The following COL23A1 variants were observed in gnomAD, a reference collection of about 807,000 sequenced individuals.
COL23A1 encodes the protein collagen type XXIII alpha 1 chain, also known as collagen alpha-1(XXIII) chain.
Under a neutral mutation model 99.3 loss-of-function variants are expected in COL23A1, and 97 were observed. The ratio of observed to expected loss-of-function variants is 0.98; its 90% confidence interval spans 0.83 to 1.16. COL23A1 has a LOEUF of 1.16. Ranked by LOEUF, COL23A1 falls within the 50% of genes most tolerant of loss-of-function variation. COL23A1 has a pLI of 0.00. For synonymous variants in COL23A1, 320 were observed against 308.2 expected (o/e 1.04, Z -0.40); for missense variants, 762 against 757.4 (o/e 1.01, Z -0.07).
chr5:178,243,331 A>G (rs1264182456), intron 25 of COL23A1, among the ~76,000 whole-genome samples: 1 of 151,712 alleles, frequency 6.6e-6, no homozygotes, highest in Non-Finnish European at 1.5e-5. Context: ...CTCCTAAAAT[A>G]CAAAAAATTA....
chr5:178,259,793 G>C (rs752800650), intron 11 of COL23A1, 46 bp from the exon 12 acceptor site: 1 of 1,564,150 alleles, frequency 6.4e-7, no homozygotes, highest in Non-Finnish European at 8.7e-7. Context: ...AAAACCATAG[G>C]AGAGTGGCCC....
chr5:178,413,362 T>C (rs1765145190), intron 2 of COL23A1, among the ~76,000 whole-genome samples: 1 of 152,234 alleles, frequency 6.6e-6, no homozygotes, highest in Admixed American at 6.5e-5. Context: ...TAAATTAAAA[T>C]AACTTGCTAC....
rs549779933 is a variant in COL23A1 at position 178,255,418 on chromosome 5, A to G, written c.883-392T>C. Among the ~76,000 whole-genome samples, 4 of 152,200 alleles carry G rather than the reference A, an allele frequency of 2.6e-5. No homozygotes were observed. Among genetic ancestry groups the G allele is most frequent in the African/African-American group, 9.6e-5 (4 of 41,522 alleles). ...GGCTGGATCTGGCCCCCGTGCCTCC[A>G]TTTCCCAGCCTCTGGGAGCGGCTGC... is the stretch of plus-strand genomic sequence containing the variant. On this transcript the variant is annotated intron_variant, in intron 15 of 28. Transcript: ENST00000390654. The surrounding 1 kb of genome is among the most constrained non-coding windows in gnomAD (Gnocchi z 4.2).
chr5:178,263,942 GA>G (rs1257935785), intron 8 of COL23A1, among the ~76,000 whole-genome samples: 1 of 152,118 alleles, frequency 6.6e-6, no homozygotes, highest in Non-Finnish European at 1.5e-5. Flanking sequence ...ATGCTAAGTG[GA>G]AAAAGTCCAT....
chr5:178,325,834 C>T (rs551680934), intron 2 of COL23A1, among the ~76,000 whole-genome samples: 28 of 152,352 alleles, frequency 1.8e-4, no homozygotes, highest in East Asian at 9.6e-4. Context: ...TGATGTTTGC[C>T]GTGCACTGGG....
At chr5:178,410,607 C>T (rs1017484769) in intron 2 of COL23A1, among the ~76,000 whole-genome samples, 2 of 152,152 alleles carry the variant, frequency 1.3e-5, no homozygotes, top group African/African-American at 4.8e-5. Flanking sequence ...CTACCTCACA[C>T]CAAATACAAA....
intron 2 of COL23A1, among the ~76,000 whole-genome samples, chr5:178,367,377 G>C (rs979132358): frequency 6.2e-5 from 9 of 145,696 alleles, no homozygotes; most frequent in Admixed American, 2.7e-4. Context: ...AGCAGCCAGA[G>C]TATCAGCAAG....
At chr5:178,577,547 T>C (rs1173721465) in intron 1 of COL23A1, among the ~76,000 whole-genome samples, 1 of 152,096 alleles carries the variant, frequency 6.6e-6, no homozygotes, top group African/African-American at 2.4e-5. Context: ...CAGCAGGGCC[T>C]GGCGCGCGGG....
intron 2 of COL23A1, among the ~76,000 whole-genome samples, chr5:178,498,597 G>GATAAGCC (rs1758360149): frequency 6.6e-6 from 1 of 152,040 alleles, no homozygotes; most frequent in African/African-American, 2.4e-5. Flanking sequence ...GTGAGAACTA[G>GATAAGCC]ATAAGCCTAG....
chr5:178,307,877 G>A lies in COL23A1; in HGVS notation c.362-958C>T, dbSNP rs1288003606. The stretch of plus-strand genomic sequence containing the variant: ...ACAGTGGGACAGGTTGTGACCCTAT[G>A]ACAAGGCACTGCCCTTTCCTGCAAA... On this transcript the variant is annotated intron_variant, in intron 2 of 28. Transcript: ENST00000390654. The surrounding 1 kb of genome is among the most constrained non-coding windows in gnomAD (Gnocchi z 4.2). Among the ~76,000 whole-genome samples the A allele has an allele frequency of 6.6e-6, 1 of 152,228 alleles. No homozygotes were observed. Among genetic ancestry groups the A allele is most frequent in the Non-Finnish European group, 1.5e-5 (1 of 68,050 alleles).
At chr5:178,360,949 A>T (rs1056914722) in intron 2 of COL23A1, among the ~76,000 whole-genome samples, 5 of 152,178 alleles carry the variant, frequency 3.3e-5, no homozygotes, top group African/African-American at 1.2e-4. Flanking sequence ...GAACAACAGA[A>T]GACGTTTTTG....
At chr5:178,549,048 T>G (rs1303654259) in intron 2 of COL23A1, among the ~76,000 whole-genome samples, 1 of 151,836 alleles carries the variant, frequency 6.6e-6, no homozygotes, top group African/African-American at 2.4e-5. Flanking sequence ...CAGGCTGGAG[T>G]GCAATGGCAC....
chr5:178,559,395 T>G (rs1762440105), intron 2 of COL23A1, among the ~76,000 whole-genome samples: 1 of 151,768 alleles, frequency 6.6e-6, no homozygotes, highest in African/African-American at 2.4e-5. Flanking sequence ...ATAACAAAAG[T>G]CACCTTTCCC....
At chr5:178,247,934 C>A in intron 20 of COL23A1, 103 bp from the exon 21 acceptor site, 1 of 1,064,076 alleles carries the variant, frequency 9.4e-7, no homozygotes, top group Non-Finnish European at 1.4e-6. Flanking sequence ...TCCTTCCTGC[C>A]CCCCAGAGGG....
At chr5:178,285,874 C>G (rs1581526798) in intron 5 of COL23A1, among the ~76,000 whole-genome samples, 1 of 152,388 alleles carries the variant, frequency 6.6e-6, no homozygotes, top group Admixed American at 6.5e-5. Context: ...AATTTCCACT[C>G]AGGACTGGGC....
chr5:178,256,212 T>G (rs1765289840), intron 15 of COL23A1, 141 bp downstream of exon 15: 2 of 540,592 alleles, frequency 3.7e-6, no homozygotes, highest in Middle Eastern at 3.5e-4. Flanking sequence ...AAATCACGAA[T>G]AAATGAGTTT....
Position 178,387,988 on chromosome 5 carries a change from G to C in COL23A1, c.362-81069C>G, listed in dbSNP as rs935591754. On this transcript the variant is annotated intron_variant, in intron 2 of 28. Transcript: ENST00000390654. This position sits in a 1 kb window ranked among gnomAD's most constrained non-coding sequence, Gnocchi z 4.7. ...AGGAGATTGATGCAGAAAGCCCCCC[G>C]CCACCATGGCCACCGCCCACCGACA... 3.3e-5 allele frequency among the ~76,000 whole-genome samples: 5 copies of C among 152,058 alleles called. No individual in the cohort carries two copies. Among genetic ancestry groups the C allele is most frequent in the African/African-American group, 1.2e-4 (5 of 41,486 alleles).
chr5:178,328,421 C>T (rs1048787696), intron 2 of COL23A1, among the ~76,000 whole-genome samples: 6 of 152,192 alleles, frequency 3.9e-5, no homozygotes, highest in African/African-American at 9.7e-5. Flanking sequence ...ACCTTCTTAG[C>T]GCAGAGCAGC....
In COL23A1 at chr5:178,365,127, CTG is replaced by C. The variant is rs1186715239; in HGVS notation, c.362-58210_362-58209del. ...CTTTGGGGTGGGCTTTATGATGTTG[CTG>C]TGTGTGCGTGTGTGTGTGTGTGTGT... On this transcript the variant is annotated intron_variant, in intron 2 of 28. Transcript: ENST00000390654. The surrounding 1 kb of genome is among the most constrained non-coding windows in gnomAD (Gnocchi z 5.2). 4.2e-5 allele frequency among the ~76,000 whole-genome samples: 5 copies of C among 120,398 alleles called. No homozygotes were observed. The highest frequency in any genetic ancestry group is 9.9e-5 in the Admixed American group (1 of 10,088). The allele number at this position is 120,398 out of a possible 152,430, so 79.0% of individuals were successfully genotyped here.
Sources: allele counts gnomAD v4.1 joint callset (sites outside exome capture counted in the v4.1 genomes callset), GRCh38; gene constraint gnomAD v4.1.1; non-coding constraint Gnocchi (gnomAD v3.1); transcripts MANE v1.5; gene names NCBI Gene and HGNC (gene_info 2026-07-23, HGNC 2026-07-21).